Variants in OR4C13 observed in about 807,000 individuals in gnomAD.
OR4C13 encodes the protein olfactory receptor 4C13.
In OR4C13, 23 loss-of-function variants were observed where a neutral mutation model predicts 14.7. The ratio of observed to expected loss-of-function variants is 1.57; its 90% confidence interval spans 1.13 to 2.22. OR4C13 has a LOEUF of 2.22. Among genes scored for constraint, OR4C13 ranks in the 30% most tolerant of loss-of-function variants. The pLI, the probability that OR4C13 is intolerant of heterozygous loss-of-function variation, is 0.00. For synonymous variants in OR4C13, 178 were observed against 135.5 expected (o/e 1.31, Z -2.18); for missense variants, 504 against 368.6 (o/e 1.37, Z -3.01).
In OR4C13 at chr11:49,952,732, T is replaced by G; in HGVS notation, c.310T>G (p.Phe104Val). Residue 104 changes from phenylalanine to valine, a missense_variant, in exon 1 of 1, where the codon TTT (phenylalanine) becomes GTT (valine). Transcript: ENST00000555099. ...GCMTQVFGEHFFRGVEVILLT... is the reference protein window; with the variant it reads ...GCMTQVFGEHVFRGVEVILLT... ...TATGACTCAAGTCTTTGGAGAACAT[T>G]TTTTCAGAGGTGTTGAGGTCATCCT... 1.1e-5 allele frequency: 18 copies of G among 1,614,082 alleles called. No homozygotes were observed. Among genetic ancestry groups the G allele is most frequent in the Non-Finnish European group, 1.4e-5 (17 of 1,179,970 alleles).
Position 49,953,035 on chromosome 11 carries a change from T to C in OR4C13, c.613T>C (p.Cys205Arg), listed in dbSNP as rs375876736. 2 of 1,613,964 alleles carry C rather than the reference T, an allele frequency of 1.2e-6. No homozygotes were observed. Among genetic ancestry groups the C allele is most frequent in the Non-Finnish European group, 8.5e-7 (1 of 1,179,862 alleles). ...CATTGCTGCCAACAGTGGGTTCATA[T>C]GCCTGTTAAACTGTCTCTTGCTCCT... ...LFIAANSGFI[C>R]LLNCLLLLVS... The change falls in exon 1 of 1, where the codon TGC becomes CGC. Residue 205 changes from cysteine to arginine, a missense_variant. By Grantham distance (180) the Cys-to-Arg change is radical (BLOSUM62 -3). Coordinates refer to ENST00000555099, the MANE Select transcript of OR4C13 (RefSeq NM_001001955.2).
In OR4C13 at chr11:49,953,130, T is replaced by C. The variant is rs145221317; in HGVS notation, c.708T>C (p.Ser236=). 1 of 1,613,752 alleles carries C rather than the reference T, an allele frequency of 6.2e-7. No individual in the cohort carries two copies. The highest frequency in any genetic ancestry group is 8.5e-7 in the Non-Finnish European group (1 of 1,179,684). ...HSLEARHEAL[S]TCVSHITVVI... ...TAGAGGCAAGGCACGAAGCCCTCTCTACCTGTGTCTCCCACATCACAGTTG... is the reference window on the plus strand; with the variant it reads ...TAGAGGCAAGGCACGAAGCCCTCTCCACCTGTGTCTCCCACATCACAGTTG... Residue 236 remains serine (S), a synonymous_variant, in exon 1 of 1, where the codon TCT becomes TCC. Coordinates refer to ENST00000555099, the MANE Select transcript of OR4C13 (RefSeq NM_001001955.2).
At position 49,952,902 on chromosome 11, in the gene OR4C13, C is replaced by A. The variant is rs782002007; in HGVS notation, c.480C>A (p.Phe160Leu). ...TTCATGCAACCATACAGATCCTCTT[C>A]ATCTGTCAATTACCTTTCTGTGGTC... Reference protein sequence around the residue: ...GFLHATIQILFICQLPFCGPN... With the variant: ...GFLHATIQILLICQLPFCGPN... The change falls in exon 1 of 1, where the codon TTC (phenylalanine) becomes TTA (leucine). Residue 160 changes from phenylalanine to leucine, a missense_variant. Coordinates refer to ENST00000555099, the MANE Select transcript of OR4C13 (RefSeq NM_001001955.2). 2 of 1,612,456 alleles carry A rather than the reference C, an allele frequency of 1.2e-6. No individual in the cohort carries two copies.
chr11:49,953,182 T>C lies in OR4C13; in HGVS notation c.760T>C (p.Phe254Leu). 6.2e-7 allele frequency: 1 copy of C among 1,613,740 alleles called. No homozygotes were observed. The highest frequency in any genetic ancestry group is 8.5e-7 in the Non-Finnish European group (1 of 1,179,674). ...CATCTTATCCTTTATACCCTGCATA[T>C]TTGTGTACATGAGACCTCCAGCTAC... ...VVILSFIPCI[F>L]VYMRPPATLP... Residue 254 changes from phenylalanine (F) to leucine (L), a missense_variant, in exon 1 of 1, where the codon TTT (phenylalanine) becomes CTT (leucine). Phe to Leu is a conservative substitution (Grantham distance 22). Transcript: ENST00000555099.
In OR4C13 at chr11:49,952,971, C is replaced by A. The variant is rs148362415; in HGVS notation, c.549C>A (p.Ile183=). 9 of 1,613,676 alleles carry A rather than the reference C, an allele frequency of 5.6e-6. No individual in the cohort carries two copies. The Admixed American group carries it at 8.3e-5, about 15-fold the overall frequency. Residue 183 remains isoleucine, a synonymous_variant, in exon 1 of 1, where the codon ATC becomes ATA. Transcript: ENST00000555099. ...DHFMCDLYTL[I]NLACTNTHTL... is the part of the protein sequence containing the mutation. ...TTATGTGTGATCTCTACACTTTGAT[C>A]AATCTTGCCTGCACTAATACCCACA...
rs1555015626 is a variant in OR4C13, at chr11:49,952,398, T to C, written c.-25T>C. 7 of 1,450,652 alleles carry C rather than the reference T, an allele frequency of 4.8e-6. No individual in the cohort carries two copies. Among genetic ancestry groups the C allele is most frequent in the South Asian group, 1.2e-5 (1 of 83,302 alleles). 89.9% of individuals were successfully genotyped at this position (1,450,652 alleles called of 1,614,324 possible). ...TAAAAATTGTTTTCTTTTCAGGTAA[T>C]GTAATTAACCATCATTTGAAATACA... is the stretch of plus-strand genomic sequence containing the variant. On this transcript the variant is annotated 5_prime_UTR_variant, in exon 1 of 1. It removes an upstream start codon present in the reference 5' UTR. Transcript: ENST00000555099.
Position 49,952,484 on chromosome 11 carries a change from T to C in OR4C13, c.62T>C (p.Met21Thr). ...TTGGGGCTTACAGAGAATCCAAAAA[T>C]GCAGAAAATCATATTTGTTGTGTTT... ...ILLGLTENPK[M>T]QKIIFVVFSV... Residue 21 changes from methionine to threonine, a missense_variant, in exon 1 of 1, where the codon ATG (methionine) becomes ACG (threonine). Transcript: ENST00000555099. The C allele has an allele frequency of 1.2e-6, 2 of 1,613,624 alleles. No individual in the cohort carries two copies. Among genetic ancestry groups the C allele is most frequent in the Non-Finnish European group, 1.7e-6 (2 of 1,179,534 alleles).
rs1555015644 is a variant in OR4C13, at chr11:49,952,448, A to C, written c.26A>C (p.Glu9Ala). 1.2e-6 allele frequency: 2 copies of C among 1,611,122 alleles called. No homozygotes were observed. Among genetic ancestry groups the C allele is most frequent in the Admixed American group, 1.7e-5 (1 of 59,988 alleles). The change falls in exon 1 of 1, where the codon GAG becomes GCG. Residue 9 changes from glutamate (E) to alanine (A), a missense_variant. Coordinates refer to ENST00000555099, the MANE Select transcript of OR4C13 (RefSeq NM_001001955.2). The stretch of plus-strand genomic sequence containing the variant: ...ATGGCGAATAGAAACAATGTGACAG[A>C]GTTTATTCTATTGGGGCTTACAGAG... MANRNNVT[E>A]FILLGLTENP...
In OR4C13 at chr11:49,952,586, C is replaced by T; in HGVS notation, c.164C>T (p.Ser55Phe). The T allele has an allele frequency of 6.2e-7, 1 of 1,613,838 alleles. No individual in the cohort carries two copies. The highest frequency in any genetic ancestry group is 8.5e-7 in the Non-Finnish European group (1 of 1,179,800). The change falls in exon 1 of 1, where the codon TCC becomes TTC. Residue 55 changes from serine (S) to phenylalanine (F), a missense_variant. Coordinates refer to ENST00000555099, the MANE Select transcript of OR4C13 (RefSeq NM_001001955.2). ...VTITASPSLR[S>F]PMYFFLAYLS... ...ATCACTGCCAGCCCATCACTGAGAT[C>T]CCCCATGTACTTTTTCCTGGCCTAT... is the stretch of plus-strand genomic sequence containing the variant.
In OR4C13 at chr11:49,952,872, C is replaced by T. The variant is rs373883138; in HGVS notation, c.450C>T (p.Gly150=). The T allele has an allele frequency of 2.3e-5, 37 of 1,613,830 alleles. No homozygotes were observed. Among genetic ancestry groups the T allele is most frequent in the Non-Finnish European group, 3.0e-5 (35 of 1,179,768 alleles). The change falls in exon 1 of 1, where the codon GGC becomes GGT. Residue 150 remains glycine (G), a synonymous_variant. Transcript: ENST00000555099. ...TAGTGGGAGTGTCATGGGTAGGAGG[C>T]TTTCTTCATGCAACCATACAGATCC... is the stretch of plus-strand genomic sequence containing the variant. ...SLLVGVSWVG[G]FLHATIQILF...
chr11:49,952,550 T>C lies in OR4C13; in HGVS notation c.128T>C (p.Ile43Thr), dbSNP rs371893127. The change falls in exon 1 of 1, where the codon ATT becomes ACT. Residue 43 changes from isoleucine (I) to threonine (T), a missense_variant. Ile to Thr is a moderately conservative substitution (Grantham distance 89). Coordinates refer to ENST00000555099, the MANE Select transcript of OR4C13 (RefSeq NM_001001955.2). ...AACGCCATGATAGGAAATGTGCTCA[T>C]TGTGGTCACCATCACTGCCAGCCCA... ...YINAMIGNVL[I>T]VVTITASPSL... 27 of 1,613,784 alleles carry C rather than the reference T, an allele frequency of 1.7e-5. No individual in the cohort carries two copies. The highest frequency in any genetic ancestry group is 1.9e-5 in the Non-Finnish European group (22 of 1,179,818).
rs782076048 is a variant in OR4C13 at position 49,952,465 on chromosome 11, C to T, written c.43C>T (p.Leu15Phe). The change falls in exon 1 of 1, where the codon CTT becomes TTT. Residue 15 changes from leucine to phenylalanine, a missense_variant. Leu to Phe is a conservative substitution (Grantham distance 22, BLOSUM62 0). Transcript: ENST00000555099. ...TGTGACAGAGTTTATTCTATTGGGG[C>T]TTACAGAGAATCCAAAAATGCAGAA... ...NNVTEFILLGLTENPKMQKII... is the reference protein window; with the variant it reads ...NNVTEFILLGFTENPKMQKII... 6.2e-7 allele frequency: 1 copy of T among 1,613,048 alleles called. No homozygotes were observed. The highest frequency in any genetic ancestry group is 1.7e-5 in the Admixed American group (1 of 60,006).
At position 49,953,109 on chromosome 11, in the gene OR4C13, G is replaced by A. The variant is rs1853665628; in HGVS notation, c.687G>A (p.Glu229=). The A allele has an allele frequency of 2.5e-6, 4 of 1,613,720 alleles. No individual in the cohort carries two copies. The highest frequency in any genetic ancestry group is 1.3e-5 in the African/African-American group (1 of 74,882). Residue 229 remains glutamate (E), a synonymous_variant, in exon 1 of 1, where the codon GAG becomes GAA. Transcript: ENST00000555099. Reference sequence around the variant, plus strand: ...ACTCCTTAAAGACCCACAGCTTAGAGGCAAGGCACGAAGCCCTCTCTACCT... The same window carrying A: ...ACTCCTTAAAGACCCACAGCTTAGAAGCAAGGCACGAAGCCCTCTCTACCT... ...ILYSLKTHSL[E]ARHEALSTCV...
rs528163289 is a variant in OR4C13 at position 49,952,871 on chromosome 11, G to T, written c.449G>T (p.Gly150Val). The T allele has an allele frequency of 9.3e-6, 15 of 1,613,754 alleles. No individual in the cohort carries two copies. Among genetic ancestry groups the T allele is most frequent in the East Asian group, 2.2e-5 (1 of 44,892 alleles). ...SLLVGVSWVG[G>V]FLHATIQILF... ...CTAGTGGGAGTGTCATGGGTAGGAG[G>T]CTTTCTTCATGCAACCATACAGATC... The change falls in exon 1 of 1, where the codon GGC (glycine) becomes GTC (valine). Residue 150 changes from glycine to valine, a missense_variant. Gly to Val is a moderately radical substitution (Grantham distance 109). Coordinates refer to ENST00000555099, the MANE Select transcript of OR4C13 (RefSeq NM_001001955.2).
Position 49,953,216 on chromosome 11 carries a change from T to A in OR4C13, c.794T>A (p.Ile265Asn), listed in dbSNP as rs782758648. 1 of 1,612,544 alleles carries A rather than the reference T, an allele frequency of 6.2e-7. No homozygotes were observed. The highest frequency in any genetic ancestry group is 1.7e-5 in the Admixed American group (1 of 59,996). Reference sequence around the variant, plus strand: ...ATGAGACCTCCAGCTACTTTACCCATTGATAAAGCAGTTGCTGTATTCTAC... The same window carrying A: ...ATGAGACCTCCAGCTACTTTACCCAATGATAAAGCAGTTGCTGTATTCTAC... ...VYMRPPATLP[I>N]DKAVAVFYTM... Residue 265 changes from isoleucine to asparagine, a missense_variant, in exon 1 of 1, where the codon ATT becomes AAT. Coordinates refer to ENST00000555099, the MANE Select transcript of OR4C13 (RefSeq NM_001001955.2).
rs1447683462 is a variant in OR4C13 at position 49,952,578 on chromosome 11, A to T, written c.156A>T (p.Ser52=). The change falls in exon 1 of 1, where the codon TCA becomes TCT. Residue 52 remains serine, a synonymous_variant. Coordinates refer to ENST00000555099, the MANE Select transcript of OR4C13 (RefSeq NM_001001955.2). ...LIVVTITASP[S]LRSPMYFFLA... Reference sequence around the variant, plus strand: ...TGGTCACCATCACTGCCAGCCCATCACTGAGATCCCCCATGTACTTTTTCC... The same window carrying T: ...TGGTCACCATCACTGCCAGCCCATCTCTGAGATCCCCCATGTACTTTTTCC... 8 of 1,613,780 alleles carry T rather than the reference A, an allele frequency of 5.0e-6. No homozygotes were observed. Among genetic ancestry groups the T allele is most frequent in the African/African-American group, 2.7e-5 (2 of 74,904 alleles).
In OR4C13 at chr11:49,952,857, G is replaced by T. The variant is rs181804159; in HGVS notation, c.435G>T (p.Val145=). Residue 145 remains valine (V), a synonymous_variant, in exon 1 of 1, where the codon GTG becomes GTT. Coordinates refer to ENST00000555099, the MANE Select transcript of OR4C13 (RefSeq NM_001001955.2). ...ATGTTTGTAGCCTGCTAGTGGGAGTGTCATGGGTAGGAGGCTTTCTTCATG... is the reference window on the plus strand; with the variant it reads ...ATGTTTGTAGCCTGCTAGTGGGAGTTTCATGGGTAGGAGGCTTTCTTCATG... ...KQHVCSLLVG[V]SWVGGFLHAT... 4 of 1,613,906 alleles carry T rather than the reference G, an allele frequency of 2.5e-6. No individual in the cohort carries two copies. The African/African-American group carries it at 5.3e-5, about 22-fold the overall frequency.
chr11:49,952,842 C>T lies in OR4C13; in HGVS notation c.420C>T (p.Ser140=). Residue 140 remains serine (S), a synonymous_variant, in exon 1 of 1, where the codon AGC becomes AGT. Coordinates refer to ENST00000555099, the MANE Select transcript of OR4C13 (RefSeq NM_001001955.2). Reference sequence around the variant, plus strand: ...CCGTCATGAAGCAGCATGTTTGTAGCCTGCTAGTGGGAGTGTCATGGGTAG... The same window carrying T: ...CCGTCATGAAGCAGCATGTTTGTAGTCTGCTAGTGGGAGTGTCATGGGTAG... ...YTTVMKQHVC[S]LLVGVSWVGG... The T allele has an allele frequency of 1.9e-6, 3 of 1,614,008 alleles. No individual in the cohort carries two copies. Among genetic ancestry groups the T allele is most frequent in the Non-Finnish European group, 2.5e-6 (3 of 1,179,940 alleles).
Position 49,952,808 on chromosome 11 carries a change from A to G in OR4C13, c.386A>G (p.His129Arg), listed in dbSNP as rs1853659001. ...DHYVAICKPL[H>R]YTTVMKQHVC... Reference sequence around the variant, plus strand: ...TATGTGGCCATCTGCAAGCCCTTGCACTATACCACCGTCATGAAGCAGCAT... The same window carrying G: ...TATGTGGCCATCTGCAAGCCCTTGCGCTATACCACCGTCATGAAGCAGCAT... Residue 129 changes from histidine to arginine, a missense_variant, in exon 1 of 1, where the codon CAC becomes CGC. Physicochemically the swap from His to Arg is conservative, Grantham distance 29. Coordinates refer to ENST00000555099, the MANE Select transcript of OR4C13 (RefSeq NM_001001955.2). 2 of 1,613,988 alleles carry G rather than the reference A, an allele frequency of 1.2e-6. No individual in the cohort carries two copies. The highest frequency in any genetic ancestry group is 2.7e-5 in the African/African-American group (2 of 74,918).
Sources: allele counts gnomAD v4.1 joint callset, GRCh38; gene constraint gnomAD v4.1.1; transcripts MANE v1.5; gene names NCBI Gene and HGNC (gene_info 2026-07-23, HGNC 2026-07-21).